Variants in IQCF1 observed in about 807,000 individuals in gnomAD.
The protein encoded by IQCF1 is IQ motif containing F1.
Under a neutral mutation model 12.5 loss-of-function variants are expected in IQCF1, and 9 were observed. The observed-to-expected ratio is 0.72, with a 90% CI of 0.43 to 1.26. The LOEUF is 1.26. Ranked by LOEUF, IQCF1 falls within the 50% of genes most tolerant of loss-of-function variation. The pLI, the probability that IQCF1 is intolerant of heterozygous loss-of-function variation, is 0.00. For missense variants in IQCF1, 252 were observed against 257.4 expected, an observed-to-expected ratio of 0.98 and a Z score of 0.14; for synonymous variants, 67 against 96.2, an observed-to-expected ratio of 0.70 and a Z score of 1.78.
intron 3 of IQCF1, among the ~76,000 whole-genome samples, chr3:51,896,555 C>T (rs969935134): frequency 6.6e-6 from 1 of 151,950 alleles, no homozygotes; most frequent in African/African-American, 2.4e-5. Context: ...TTTTTCTTTC[C>T]GTCAACATGT....
At chr3:51,903,175 G>A in intron 1 of IQCF1, 86 bp from the exon 2 acceptor site, 3 of 1,591,152 alleles carry the variant, frequency 1.9e-6, no homozygotes, top group Non-Finnish European at 2.6e-6. Context: ...CAGCTTCCAG[G>A]GCTTCTTAGA....
chr3:51,897,270 G>A (rs1189591232), intron 2 of IQCF1, among the ~76,000 whole-genome samples: 1 of 152,174 alleles, frequency 6.6e-6, no homozygotes, highest in African/African-American at 2.4e-5. Context: ...CAGGGGCCAC[G>A]GGCATCAGGG....
chr3:51,897,935 C>T lies in IQCF1; in HGVS notation c.109-1041G>A, dbSNP rs191931938. Among the ~76,000 whole-genome samples the T allele has an allele frequency of 2.3e-3, 352 of 152,268 alleles. 1 individual carries two copies. Among genetic ancestry groups the T allele is most frequent in the African/African-American group, 7.5e-3 (313 of 41,552 alleles). ...CCCTGGTTTGAGGGGTTGAGCCTTC[C>T]GGGGCAGGCAAGGCGAGACGTCCCT... On this transcript the variant is annotated intron_variant, in intron 2 of 3. Coordinates refer to ENST00000310914, the MANE Select transcript of IQCF1 (RefSeq NM_152397.3).
intron 3 of IQCF1, 119 bp downstream of exon 3, chr3:51,896,703 ACACACACACG>A (rs1029433375): frequency 2.3e-5 from 17 of 731,648 alleles, no homozygotes; most frequent in Middle Eastern, 3.0e-4. Context: ...GCGCACACAC[ACACACACACG>A]CACACACACA....
Position 51,895,268 on chromosome 3 carries a change from C to T in IQCF1, c.240G>A (p.Arg80=). The T allele has an allele frequency of 1.2e-6, 2 of 1,614,158 alleles. No homozygotes were observed. The highest frequency in any genetic ancestry group is 3.3e-5 in the Admixed American group (2 of 60,028). The stretch of plus-strand genomic sequence containing the variant: ...ACAGTGCCCGACGCACCAGGGTGCC[C>T]CGCCACCAGGCCTGGATCTTGGTGG... The part of the protein sequence containing the change: ...TVATKIQAWW[R]GTLVRRALLH... The change falls in exon 4 of 4, where the codon CGG becomes CGA. Residue 80 remains arginine (R), a synonymous_variant. Transcript: ENST00000310914. This position sits in a 1 kb window ranked among gnomAD's most constrained non-coding sequence, Gnocchi z 4.8.
intron 2 of IQCF1, among the ~76,000 whole-genome samples, chr3:51,897,557 T>G (rs1699024167): frequency 6.6e-6 from 1 of 152,158 alleles, no homozygotes; most frequent in South Asian, 2.1e-4. Flanking sequence ...ACCCACCCAG[T>G]GTGAGGAATA....
At position 51,895,378 on chromosome 3, in the gene IQCF1, C is replaced by G; in HGVS notation, c.172-42G>C. 1.3e-6 allele frequency: 2 copies of G among 1,535,952 alleles called. No homozygotes were observed. Among genetic ancestry groups the G allele is most frequent in the Non-Finnish European group, 1.8e-6 (2 of 1,127,750 alleles). On this transcript the variant is annotated intron_variant, in intron 3 of 3. Coordinates refer to ENST00000310914, the MANE Select transcript of IQCF1 (RefSeq NM_152397.3). This position sits in a 1 kb window ranked among gnomAD's most constrained non-coding sequence, Gnocchi z 4.8. ...AGGGACCTTCAGAGAATGCTCCCCACTGGCTTCAGCTCTGGGGTGTGCCAG... is the reference window on the plus strand; with the variant it reads ...AGGGACCTTCAGAGAATGCTCCCCAGTGGCTTCAGCTCTGGGGTGTGCCAG...
chr3:51,896,725 A>G, intron 3 of IQCF1, 107 bp downstream of exon 3: 2 of 846,784 alleles, frequency 2.4e-6, no homozygotes, highest in Non-Finnish European at 4.1e-6. Context: ...ACACACACAC[A>G]CACATACTTC....
intron 2 of IQCF1, among the ~76,000 whole-genome samples, chr3:51,897,818 G>A (rs927494387): frequency 1.3e-5 from 2 of 152,314 alleles, no homozygotes; most frequent in South Asian, 4.1e-4. Context: ...GAGTGAGTGG[G>A]TCCTCTCTGC....
intron 2 of IQCF1, among the ~76,000 whole-genome samples, chr3:51,902,525 CT>C (rs781258859): frequency 3.0e-4 from 45 of 152,322 alleles, no homozygotes; most frequent in Non-Finnish European, 5.9e-4. Context: ...CTACTCCCCC[CT>C]GACTCATTCC....
rs1194490522 is a variant in IQCF1 at position 51,895,180 on chromosome 3, G to C, written c.328C>G (p.Leu110Val). 6.2e-7 allele frequency: 1 copy of C among 1,614,224 alleles called. No homozygotes were observed. ...CWWRLILSKI[L>V]KKRRQAALEA... ...AGCGCTGCCTGCCGCCTCTTCTTCA[G>C]AATCTTGGACAGTATCAGCCGCCAC... Residue 110 changes from leucine to valine, a missense_variant, in exon 4 of 4, where the codon CTG (leucine) becomes GTG (valine). Transcript: ENST00000310914. This position sits in a 1 kb window ranked among gnomAD's most constrained non-coding sequence, Gnocchi z 4.8.
chr3:51,896,063 T>G (rs889154920), intron 3 of IQCF1, among the ~76,000 whole-genome samples: 1 of 152,222 alleles, frequency 6.6e-6, no homozygotes, highest in Non-Finnish European at 1.5e-5. Flanking sequence ...TGAGTCTCTA[T>G]TAACATAGCT....
chr3:51,898,075 G>A (rs1225758896), intron 2 of IQCF1, among the ~76,000 whole-genome samples: 1 of 152,212 alleles, frequency 6.6e-6, no homozygotes, highest in Non-Finnish European at 1.5e-5. Flanking sequence ...GGAAGAAAGA[G>A]TAGCTCCACT....
rs1286766804 is a variant in IQCF1, at chr3:51,900,009, TA to T, written c.108+2975del. ...AGTCCACTGCTGATGTCCCCACATT[TA>T]AAACAAAAGGTCAGTTTCTTAGAAA... is the stretch of plus-strand genomic sequence containing the variant. On this transcript the variant is annotated intron_variant, in intron 2 of 3. Coordinates refer to ENST00000310914, the MANE Select transcript of IQCF1 (RefSeq NM_152397.3). This position sits in a 1 kb window ranked among gnomAD's most constrained non-coding sequence, Gnocchi z 4.2. Among the ~76,000 whole-genome samples the T allele has an allele frequency of 6.6e-6, 1 of 152,192 alleles. No homozygotes were observed. The highest frequency in any genetic ancestry group is 1.9e-4 in the East Asian group (1 of 5,202).
chr3:51,898,367 C>T (rs553240275), intron 2 of IQCF1, among the ~76,000 whole-genome samples: 5 of 152,228 alleles, frequency 3.3e-5, no homozygotes, highest in African/African-American at 1.2e-4. Flanking sequence ...AGGTCTTCTC[C>T]GGGACCCTAT....
At chr3:51,902,347 G>A (rs1046773470) in intron 2 of IQCF1, among the ~76,000 whole-genome samples, 10 of 152,198 alleles carry the variant, frequency 6.6e-5, no homozygotes, top group African/African-American at 2.4e-4. Context: ...AAGAGAAAGA[G>A]CTGTAAGGAA....
At position 51,896,877 on chromosome 3, in the gene IQCF1, C is replaced by T; in HGVS notation, c.126G>A (p.Leu42=). The T allele has an allele frequency of 1.2e-6, 2 of 1,613,366 alleles. No homozygotes were observed. Among genetic ancestry groups the T allele is most frequent in the Non-Finnish European group, 1.7e-6 (2 of 1,179,394 alleles). Residue 42 remains leucine, a synonymous_variant, in exon 3 of 4, where the codon CTG becomes CTA. Coordinates refer to ENST00000310914, the MANE Select transcript of IQCF1 (RefSeq NM_152397.3). ...ESKAEAKTPV[L]VETQTVDNAN... ...CATTGTCCACTGTCTGTGTCTCAACCAGAACTGGAGTTTTAGCCTGAAAAG... is the reference window on the plus strand; with the variant it reads ...CATTGTCCACTGTCTGTGTCTCAACTAGAACTGGAGTTTTAGCCTGAAAAG...
intron 2 of IQCF1, among the ~76,000 whole-genome samples, chr3:51,901,093 G>A (rs1699070565): frequency 6.6e-6 from 1 of 152,222 alleles, no homozygotes; most frequent in South Asian, 2.1e-4. Context: ...AGATGCAAAT[G>A]TCTGGTTGGA....
rs1577634890 is a variant in IQCF1, at chr3:51,896,732, C to T, written c.171+100G>A. 10 of 902,962 alleles carry T rather than the reference C, an allele frequency of 1.1e-5. No individual in the cohort carries two copies. The East Asian group carries it at 2.4e-4, about 22-fold the overall frequency. 55.9% of individuals were successfully genotyped at this position (902,962 alleles called of 1,614,324 possible). ...ACACACGCACACACACACACACATA[C>T]TTCTAACTGAGCCCAGCTTCCCATA... is the stretch of plus-strand genomic sequence containing the variant. On this transcript the variant is annotated intron_variant, in intron 3 of 3. Coordinates refer to ENST00000310914, the MANE Select transcript of IQCF1 (RefSeq NM_152397.3).
Sources: gnomAD v4.1 joint callset for allele counts (sites outside exome capture counted in the v4.1 genomes callset) on GRCh38, gnomAD v4.1.1 for gene constraint, Gnocchi (gnomAD v3.1) non-coding constraint, MANE v1.5 for transcripts, NCBI Gene and HGNC (gene_info 2026-07-23, HGNC 2026-07-21) for gene names.